The following SPOCK3 variants were observed in gnomAD, a reference collection of about 807,000 sequenced individuals.
SPOCK3 encodes the protein SPARC (osteonectin), cwcv and kazal like domains proteoglycan 3, also known as testican-3.
In SPOCK3, 30 loss-of-function variants were observed where a neutral mutation model predicts 56.6. That is an observed-to-expected ratio of 0.53 (90% CI 0.40 to 0.72). The LOEUF is 0.72. SPOCK3 is among the 30% of genes least tolerant of loss of function. The pLI is 0.00. For missense variants in SPOCK3, 527 were observed against 530.0 expected (o/e 0.99, Z 0.06); for synonymous variants, 196 against 183.3 (o/e 1.07, Z -0.56).
intron 6 of SPOCK3, among the ~76,000 whole-genome samples, chr4:166,835,774 C>A (rs1025259722): frequency 2.0e-5 from 3 of 152,068 alleles, no homozygotes; most frequent in African/African-American, 7.2e-5. Flanking sequence ...CCGAGGTGGG[C>A]GGATCACCTG....
At chr4:166,736,253 T>C (rs950329608) in intron 10 of SPOCK3, among the ~76,000 whole-genome samples, 1 of 152,138 alleles carries the variant, frequency 6.6e-6, no homozygotes, top group African/African-American at 2.4e-5. Context: ...GCAATGTTCT[T>C]GTTCACTTAA....
chr4:166,990,943 T>C (rs1488722154), intron 4 of SPOCK3, among the ~76,000 whole-genome samples: 1 of 152,150 alleles, frequency 6.6e-6, no homozygotes, highest in Non-Finnish European at 1.5e-5. Flanking sequence ...TGTAAAGGAC[T>C]AATTAAGTTC....
chr4:167,058,308 G>A (rs536563509), intron 3 of SPOCK3, among the ~76,000 whole-genome samples: 104 of 152,172 alleles, frequency 6.8e-4, no homozygotes, highest in African/African-American at 2.5e-3. Flanking sequence ...AAAGTCTCAG[G>A]ATACAAAATC....
At chr4:166,969,665 C>T (rs1197301031) in intron 4 of SPOCK3, among the ~76,000 whole-genome samples, 1 of 151,970 alleles carries the variant, frequency 6.6e-6, no homozygotes, top group Non-Finnish European at 1.5e-5. Flanking sequence ...GGTCTCCCTG[C>T]CATGCCTCCT....
At chr4:166,962,168 T>C (rs1447195526) in intron 4 of SPOCK3, among the ~76,000 whole-genome samples, 1 of 152,148 alleles carries the variant, frequency 6.6e-6, no homozygotes, top group Non-Finnish European at 1.5e-5. Flanking sequence ...TCCATGAAAT[T>C]TAACATATCA....
Position 167,234,121 on chromosome 4 carries a change from T to TG in SPOCK3, c.52dup (p.Gln18ProfsTer20). On this transcript the variant is annotated frameshift_variant, in exon 2 of 11. Coordinates refer to ENST00000357545, the MANE Select transcript of SPOCK3 (RefSeq NM_001040159.2). LOFTEE classifies it high-confidence loss of function. ...CACCGCCGCGGCAGCTGCGAGAGACTGACTGCACCAAGCGGCTGCACACAC... is the reference window on the plus strand; with the variant it reads ...CACCGCCGCGGCAGCTGCGAGAGACTGGACTGCACCAAGCGGCTGCACACAC... 1 of 1,613,802 alleles carries TG rather than the reference T, an allele frequency of 6.2e-7. No individual in the cohort carries two copies. The highest frequency in any genetic ancestry group is 2.2e-5 in the East Asian group (1 of 44,826).
At chr4:167,133,293 A>G (rs557704884) in intron 2 of SPOCK3, among the ~76,000 whole-genome samples, 1 of 152,290 alleles carries the variant, frequency 6.6e-6, no homozygotes, top group South Asian at 2.1e-4. Context: ...CTTGGATCCA[A>G]GGGATGCCAG....
intron 2 of SPOCK3, among the ~76,000 whole-genome samples, chr4:167,230,515 A>AC (rs1181869905): frequency 6.6e-6 from 1 of 151,360 alleles, no homozygotes; most frequent in African/African-American, 2.4e-5. Flanking sequence ...AAAAAAAAAA[A>AC]AAAAACCAGC....
intron 3 of SPOCK3, among the ~76,000 whole-genome samples, chr4:167,039,574 GAAAT>G (rs1251852479): frequency 6.6e-6 from 1 of 150,822 alleles, no homozygotes; most frequent in Non-Finnish European, 1.5e-5. Flanking sequence ...TTCTTCCTAA[GAAAT>G]AAAATGAGTC....
intron 5 of SPOCK3, among the ~76,000 whole-genome samples, chr4:166,909,570 C>T (rs6553415): frequency 0.96 from 146,623 of 152,200 alleles, 70,657 homozygotes; most frequent in East Asian, 1. Flanking sequence ...ATTCAGCAGA[C>T]GAATAGGAAA....
chr4:166,822,660 T>C (rs1326240827), intron 6 of SPOCK3, among the ~76,000 whole-genome samples: 1 of 152,084 alleles, frequency 6.6e-6, no homozygotes, highest in Admixed American at 6.6e-5. Flanking sequence ...TCAAACAGGA[T>C]TGAAATCCTG....
intron 3 of SPOCK3, among the ~76,000 whole-genome samples, chr4:167,045,393 T>C (rs574804608): frequency 6.6e-6 from 1 of 152,264 alleles, no homozygotes; most frequent in Admixed American, 6.5e-5. Flanking sequence ...TTTGAAGTAA[T>C]TATTGATATA....
chr4:166,824,798 A>G (rs1401112848), intron 6 of SPOCK3, among the ~76,000 whole-genome samples: 1 of 152,098 alleles, frequency 6.6e-6, no homozygotes, highest in Non-Finnish European at 1.5e-5. Flanking sequence ...TATACATACT[A>G]TGAGAGATCA....
intron 4 of SPOCK3, among the ~76,000 whole-genome samples, chr4:166,945,755 G>A (rs969928125): frequency 6.6e-6 from 1 of 152,094 alleles, no homozygotes; most frequent in Non-Finnish European, 1.5e-5. Flanking sequence ...GGAGTTCCTG[G>A]GTAAACACAT....
rs531274518 is a variant in SPOCK3 at position 166,741,930 on chromosome 4, T to C, written c.994+67A>G. The C allele has an allele frequency of 8.0e-5, 87 of 1,084,634 alleles. No individual in the cohort carries two copies. The East Asian group carries it at 1.7e-3, about 22-fold the overall frequency. The allele number at this position is 1,084,634 out of a possible 1,614,324, so 67.2% of individuals were successfully genotyped here. A position where few individuals can be genotyped will look rare whatever the true frequency, so the allele number is the denominator to read the frequency against. On this transcript the variant is annotated intron_variant, in intron 9 of 10. Coordinates refer to ENST00000357545, the MANE Select transcript of SPOCK3 (RefSeq NM_001040159.2). ...CTTTGTTGGATTAATATTGATTTTA[T>C]GTTGCTGTTTCCCTGGGGTTATTTA...
intron 4 of SPOCK3, among the ~76,000 whole-genome samples, chr4:166,924,976 T>A (rs865805466): frequency 1.3e-5 from 2 of 152,320 alleles, no homozygotes; most frequent in African/African-American, 4.8e-5. Flanking sequence ...TGGGGTTCCC[T>A]GGGGTACTTT....
intron 6 of SPOCK3, among the ~76,000 whole-genome samples, chr4:166,807,308 T>TAA (rs372411472): frequency 0.078 from 10,173 of 129,766 alleles, 806 homozygotes; most frequent in African/African-American, 0.21. Context: ...GCATAAAGCC[T>TAA]AAAAAAAAAA....
intron 9 of SPOCK3, among the ~76,000 whole-genome samples, chr4:166,740,334 AAGTAT>A (rs1450387426): frequency 2.9e-4 from 16 of 55,008 alleles, no homozygotes; most frequent in Non-Finnish European, 7.1e-4. Flanking sequence ...AATGGGAACT[AAGTAT>A]TTTTTTATAC....
chr4:167,227,886 C>T (rs888108507), intron 2 of SPOCK3, among the ~76,000 whole-genome samples: 31 of 152,038 alleles, frequency 2.0e-4, no homozygotes, highest in Non-Finnish European at 3.2e-4. Context: ...TAGTGGTACA[C>T]GATGTTCCTT....
Sources: gnomAD v4.1 joint callset for allele counts (sites outside exome capture counted in the v4.1 genomes callset) on GRCh38, gnomAD v4.1.1 for gene constraint, MANE v1.5 for transcripts, NCBI Gene and HGNC (gene_info 2026-07-23, HGNC 2026-07-21) for gene names.